Variants in IL1B observed in about 807,000 individuals in gnomAD.
IL1B encodes interleukin 1 beta, also known as interleukin-1 beta.
IL1B carries 11 observed loss-of-function variants against 26.2 expected under a neutral mutation model. That is an observed-to-expected ratio of 0.42 (90% CI 0.26 to 0.70). The LOEUF (loss-of-function observed/expected upper bound fraction) is 0.70. Among genes scored for constraint, IL1B ranks in the 30% least tolerant of loss-of-function variants. IL1B has a pLI of 0.25. For missense variants in IL1B, 255 were observed against 327.5 expected, an observed-to-expected ratio of 0.78 and a Z score of 1.71; for synonymous variants, 118 against 120.8, an observed-to-expected ratio of 0.98 and a Z score of 0.15.
At chr2:112,836,613 A>G (rs545925461) in intron 1 of IL1B, 95 bp downstream of exon 1, 8 of 284,928 alleles carry the variant, frequency 2.8e-5, no homozygotes, top group South Asian at 2.0e-4. Context: ...CAGAGAAAGA[A>G]AGAGAGAGAG....
chr2:112,831,492 T>C, intron 5 of IL1B, 70 bp from the exon 6 acceptor site: 2 of 1,568,414 alleles, frequency 1.3e-6, no homozygotes, highest in Non-Finnish European at 1.7e-6. Flanking sequence ...CTAGGCCCCA[T>C]GAGTAGGATA....
chr2:112,835,826 C>T (rs1214979616), intron 2 of IL1B, among the ~76,000 whole-genome samples: 1 of 152,176 alleles, frequency 6.6e-6, no homozygotes, highest in Non-Finnish European at 1.5e-5. Flanking sequence ...CCTGGGTGCT[C>T]CCTGTTGGAT....
chr2:112,830,149 C>T lies in IL1B; in HGVS notation c.*212G>A. The T allele has an allele frequency of 3.5e-6, 2 of 571,422 alleles. No homozygotes were observed. The highest frequency in any genetic ancestry group is 4.1e-5 in the South Asian group (2 of 48,582). 35.4% of individuals were successfully genotyped at this position (571,422 alleles called of 1,614,324 possible). On this transcript the variant is annotated 3_prime_UTR_variant, in exon 7 of 7. Transcript: ENST00000263341. ...AGAGAGGCCTGGCTCAACAAAAGGGCTGGGGATTGGCCCTGAAAGGAGAGA... is the reference window on the plus strand; with the variant it reads ...AGAGAGGCCTGGCTCAACAAAAGGGTTGGGGATTGGCCCTGAAAGGAGAGA...
At chr2:112,835,893 C>T (rs1387770872) in intron 2 of IL1B, among the ~76,000 whole-genome samples, 1 of 152,212 alleles carries the variant, frequency 6.6e-6, no homozygotes, top group Non-Finnish European at 1.5e-5. Context: ...TCTCCCTCTC[C>T]CTCCAAGCCA....
chr2:112,831,060 T>C (rs776019199), intron 6 of IL1B: 21 of 518,228 alleles, frequency 4.1e-5, no homozygotes, highest in Non-Finnish European at 5.7e-5. Flanking sequence ...TCTGTTGGGG[T>C]TGTAACTATG....
intron 4 of IL1B, 81 bp downstream of exon 4, chr2:112,833,293 T>C: frequency 7.4e-7 from 1 of 1,358,714 alleles, no homozygotes. Flanking sequence ...GCTTTGGCTC[T>C]GGGGGAATTG....
Position 112,836,238 on chromosome 2 carries a change from C to T in IL1B, c.-9G>A. ...TCAGGTACTTCTGCCATGGCTGCTTCAGACACCTGTGTAAAAAGGAGAAAA... is the reference window on the plus strand; with the variant it reads ...TCAGGTACTTCTGCCATGGCTGCTTTAGACACCTGTGTAAAAAGGAGAAAA... On this transcript the variant is annotated 5_prime_UTR_variant, in exon 2 of 7. Coordinates refer to ENST00000263341, the MANE Select transcript of IL1B (RefSeq NM_000576.3). 2 of 1,613,186 alleles carry T rather than the reference C, an allele frequency of 1.2e-6. No individual in the cohort carries two copies. The highest frequency in any genetic ancestry group is 1.1e-5 in the South Asian group (1 of 91,034).
chr2:112,830,370 C>A lies in IL1B; in HGVS notation c.801G>T (p.Val267=). 6.2e-7 allele frequency: 1 copy of A among 1,613,974 alleles called. No individual in the cohort carries two copies. The highest frequency in any genetic ancestry group is 1.3e-5 in the African/African-American group (1 of 75,022). ...QDITDFTMQF[V]SS ...CTGGGTACAGCTCTCTTTAGGAAGA[C>A]ACAAATTGCATGGTGAAGTCAGTTA... The change falls in exon 7 of 7, where the codon GTG becomes GTT. Residue 267 remains valine (V), a synonymous_variant. Transcript: ENST00000263341.
At chr2:112,831,524 T>G in intron 5 of IL1B, 102 bp from the exon 6 acceptor site, 1 of 1,369,972 alleles carries the variant, frequency 7.3e-7, no homozygotes, top group Non-Finnish European at 1.0e-6. Flanking sequence ...GTAGCCTCTG[T>G]GGGAACCCAC....
chr2:112,832,761 T>C lies in IL1B; in HGVS notation c.367A>G (p.Asn123Asp). 6.2e-7 allele frequency: 1 copy of C among 1,614,180 alleles called. No individual in the cohort carries two copies. Among genetic ancestry groups the C allele is most frequent in the Non-Finnish European group, 8.5e-7 (1 of 1,180,018 alleles). Residue 123 changes from asparagine to aspartate, a missense_variant, in exon 5 of 7, where the codon AAC (asparagine) becomes GAC (aspartate). Asn to Asp is a conservative substitution (Grantham distance 23, BLOSUM62 1). Coordinates refer to ENST00000263341, the MANE Select transcript of IL1B (RefSeq NM_000576.3). ...YVHDAPVRSL[N>D]CTLRDSQQKS... Reference sequence around the variant, plus strand: ...TGCTGTGAGTCCCGGAGCGTGCAGTTCAGTGATCGTACAGGTGCATCGTGC... The same window carrying C: ...TGCTGTGAGTCCCGGAGCGTGCAGTCCAGTGATCGTACAGGTGCATCGTGC...
intron 4 of IL1B, 43 bp from the exon 5 acceptor site, chr2:112,832,869 G>T: frequency 6.2e-7 from 1 of 1,610,054 alleles, no homozygotes. Context: ...AAATCAGAAG[G>T]GCAGGCCTCG....
At position 112,835,636 on chromosome 2, in the gene IL1B, C is replaced by A; in HGVS notation, c.48-19G>T. The A allele has an allele frequency of 1.9e-6, 3 of 1,605,800 alleles. No homozygotes were observed. Among genetic ancestry groups the A allele is most frequent in the Non-Finnish European group, 1.7e-6 (2 of 1,172,352 alleles). On this transcript the variant is annotated intron_variant, in intron 2 of 6. Coordinates refer to ENST00000263341, the MANE Select transcript of IL1B (RefSeq NM_000576.3). ...ATTGCCACTGTAATAAAAACAGGGA[C>A]ATGTCTCAATTATGTCTTCTAAACA... is the stretch of plus-strand genomic sequence containing the variant.
intron 3 of IL1B, 126 bp downstream of exon 3, chr2:112,835,440 C>T: frequency 1.3e-6 from 1 of 770,152 alleles, no homozygotes; most frequent in Admixed American, 1.9e-5. Flanking sequence ...CTGTGTCTCA[C>T]TGGAAGAGGT....
Position 112,830,572 on chromosome 2 carries a change from C to T in IL1B, c.599G>A (p.Ser200Asn). 1 of 1,610,424 alleles carries T rather than the reference C, an allele frequency of 6.2e-7. No individual in the cohort carries two copies. The highest frequency in any genetic ancestry group is 8.5e-7 in the Non-Finnish European group (1 of 1,176,818). Residue 200 changes from serine (S) to asparagine (N), a missense_variant and splice_region_variant, in exon 7 of 7, where the codon AGT (serine) becomes AAT (asparagine). By Grantham distance (46) the Ser-to-Asn change is conservative (BLOSUM62 1). Transcript: ENST00000263341. ...KDDKPTLQLESVDPKNYPKKK... is the reference protein window; with the variant it reads ...KDDKPTLQLENVDPKNYPKKK... ...CTTTGGGTAATTTTTGGGATCTACA[C>T]TCTGCAGCGAAAGAGAAAGAAGAAT...
intron 1 of IL1B, 195 bp from the exon 2 acceptor site, chr2:112,836,439 A>G (rs940780825): frequency 5.5e-6 from 3 of 543,372 alleles, no homozygotes; most frequent in Non-Finnish European, 1.0e-5. Flanking sequence ...TGTATTGGCT[A>G]GGAGAGCTGG....
intron 2 of IL1B, among the ~76,000 whole-genome samples, 197 bp downstream of exon 2, chr2:112,835,986 C>T (rs1558783906): frequency 6.6e-6 from 1 of 152,248 alleles, no homozygotes; most frequent in Non-Finnish European, 1.5e-5. Context: ...TGCAACAACA[C>T]ATCTGGATAG....
Position 112,830,146 on chromosome 2 carries a change from G to T in IL1B, c.*215C>A. On this transcript the variant is annotated 3_prime_UTR_variant, in exon 7 of 7. Coordinates refer to ENST00000263341, the MANE Select transcript of IL1B (RefSeq NM_000576.3). Reference sequence around the variant, plus strand: ...GTGAGAGAGGCCTGGCTCAACAAAAGGGCTGGGGATTGGCCCTGAAAGGAG... The same window carrying T: ...GTGAGAGAGGCCTGGCTCAACAAAATGGCTGGGGATTGGCCCTGAAAGGAG... 1.8e-6 allele frequency: 1 copy of T among 568,358 alleles called. No individual in the cohort carries two copies. Among genetic ancestry groups the T allele is most frequent in the Non-Finnish European group, 3.2e-6 (1 of 317,346 alleles). The allele number at this position is 568,358 out of a possible 1,614,324, so 35.2% of individuals were successfully genotyped here.
intron 3 of IL1B, among the ~76,000 whole-genome samples, chr2:112,834,201 C>A (rs1406917301): frequency 6.6e-6 from 1 of 152,154 alleles, no homozygotes; most frequent in African/African-American, 2.4e-5. Context: ...CTTTTTTGTA[C>A]ATGCCCCACC....
chr2:112,835,639 G>A (rs1158827127), intron 2 of IL1B, 22 bp from the exon 3 acceptor site: 2 of 1,600,914 alleles, frequency 1.2e-6, no homozygotes, highest in Non-Finnish European at 1.7e-6. Context: ...ACAGGGACAT[G>A]TCTCAATTAT....
Sources: gnomAD v4.1 joint callset for allele counts (sites outside exome capture counted in the v4.1 genomes callset) on GRCh38, gnomAD v4.1.1 for gene constraint, MANE v1.5 for transcripts, NCBI Gene and HGNC (gene_info 2026-07-23, HGNC 2026-07-21) for gene names.